FLT1: variants seen among roughly 807,000 people sequenced by gnomAD.
The protein encoded by FLT1 is fms related receptor tyrosine kinase 1, also known as vascular endothelial growth factor receptor 1.
Under a neutral mutation model 156.3 loss-of-function variants are expected in FLT1, and 49 were observed. The observed-to-expected ratio is 0.31, with a 90% confidence interval of 0.25 to 0.40. The LOEUF is 0.40. Among genes scored for constraint, FLT1 ranks in the 10% least tolerant of loss-of-function variants. FLT1 has a pLI of 1.00. For synonymous variants in FLT1, 594 were observed against 583.8 expected (o/e 1.02, Z -0.25); for missense variants, 1,322 against 1,637.2 (o/e 0.81, Z 3.32).
At chr13:28,317,350 T>G in intron 25 of FLT1, 148 bp downstream of exon 25, 2 of 699,174 alleles carry the variant, frequency 2.9e-6, no homozygotes, top group South Asian at 1.5e-5. Flanking sequence ...CTGGGCCTGA[T>G]GGGCTGAGGG....
intron 11 of FLT1, among the ~76,000 whole-genome samples, chr13:28,402,914 C>T (rs1875543277): frequency 2.0e-5 from 3 of 152,048 alleles, no homozygotes; most frequent in Admixed American, 1.3e-4. Context: ...CTCAGCCTTC[C>T]GAGTAGCTGG....
In FLT1 at chr13:28,357,546, C is replaced by T. The variant is rs2137411232; in HGVS notation, c.2248+8G>A. ...AATTTCTTGTTGCTTTCTTAAGCAGCTGTTTACCTTGAACAGTGAGGTATG... is the reference window on the plus strand; with the variant it reads ...AATTTCTTGTTGCTTTCTTAAGCAGTTGTTTACCTTGAACAGTGAGGTATG... On this transcript the variant is annotated splice_region_variant and intron_variant, in intron 15 of 29. Coordinates refer to ENST00000282397, the MANE Select transcript of FLT1 (RefSeq NM_002019.4). The T allele has an allele frequency of 6.2e-7, 1 of 1,614,026 alleles. No individual in the cohort carries two copies. The highest frequency in any genetic ancestry group is 8.5e-7 in the Non-Finnish European group (1 of 1,179,896).
chr13:28,321,689 G>A (rs1322640862), intron 22 of FLT1, 104 bp from the exon 23 acceptor site: 3 of 1,159,104 alleles, frequency 2.6e-6, no homozygotes, highest in Non-Finnish European at 2.6e-6. Context: ...CATTTCACAT[G>A]CTGTGAAGGG....
intron 13 of FLT1, chr13:28,388,440 T>A (rs1874502109): frequency 9.6e-7 from 1 of 1,044,716 alleles, no homozygotes; most frequent in East Asian, 5.5e-5. Flanking sequence ...GCCATGGCTA[T>A]TTTGGTCATT....
intron 14 of FLT1, among the ~76,000 whole-genome samples, chr13:28,377,261 C>G (rs147907204): frequency 1.3e-5 from 2 of 152,164 alleles, no homozygotes; most frequent in African/African-American, 4.8e-5. Flanking sequence ...TAATTTGGAG[C>G]CCCTACTAAT....
intron 15 of FLT1, among the ~76,000 whole-genome samples, 163 bp downstream of exon 15, chr13:28,357,391 G>C (rs1398434814): frequency 3.3e-5 from 5 of 152,186 alleles, no homozygotes; most frequent in African/African-American, 4.8e-5. Context: ...TTGCCAGACA[G>C]AACCAGACAG....
Position 28,303,149 on chromosome 13 carries a change from A to T in FLT1, c.*18T>A. ...TAAATACACATGTGCTTCTAGAAAT[A>T]AGGCTTCGTGTCAAACTCTAGATGG... On this transcript the variant is annotated 3_prime_UTR_variant, in exon 30 of 30. Coordinates refer to ENST00000282397, the MANE Select transcript of FLT1 (RefSeq NM_002019.4). The T allele has an allele frequency of 6.2e-7, 1 of 1,603,920 alleles. No individual in the cohort carries two copies. Among genetic ancestry groups the T allele is most frequent in the Non-Finnish European group, 8.5e-7 (1 of 1,178,028 alleles).
intron 26 of FLT1, 89 bp downstream of exon 26, chr13:28,311,904 T>TAATATAATA: frequency 9.2e-7 from 1 of 1,085,196 alleles, no homozygotes; most frequent in Non-Finnish European, 1.4e-6. Context: ...TCTCAGCTAT[T>TAATATAATA]ATATTAATAG....
At chr13:28,325,777 T>A (rs1292060075) in intron 20 of FLT1, among the ~76,000 whole-genome samples, 2 of 121,334 alleles carry the variant, frequency 1.6e-5, no homozygotes, top group East Asian at 5.6e-4. Context: ...ATCACACCAC[T>A]GCACTCCAGC....
At chr13:28,384,307 C>T (rs1400583714) in intron 14 of FLT1, among the ~76,000 whole-genome samples, 3 of 151,892 alleles carry the variant, frequency 2.0e-5, no homozygotes, top group Non-Finnish European at 4.4e-5. Flanking sequence ...GGTGACAGCA[C>T]ATGCCTGTAG....
chr13:28,385,071 T>C, intron 13 of FLT1, 40 bp from the exon 14 acceptor site: 1 of 1,607,042 alleles, frequency 6.2e-7, no homozygotes, highest in Non-Finnish European at 8.5e-7. Flanking sequence ...ACTCGTCAAC[T>C]TTATTCTTGT....
At chr13:28,421,990 T>C (rs73453277) in intron 10 of FLT1, among the ~76,000 whole-genome samples, 75 of 152,358 alleles carry the variant, frequency 4.9e-4, no homozygotes, top group African/African-American at 1.7e-3. Flanking sequence ...ATGTAGTAGA[T>C]ATTTTACAGA....
At chr13:28,487,541 T>C (rs1197308935) in intron 1 of FLT1, among the ~76,000 whole-genome samples, 1 of 152,246 alleles carries the variant, frequency 6.6e-6, no homozygotes, top group African/African-American at 2.4e-5. Flanking sequence ...AAAAAGTGCC[T>C]GTGAGCACCG....
chr13:28,373,860 C>G (rs1458658754), intron 14 of FLT1, among the ~76,000 whole-genome samples: 2 of 152,090 alleles, frequency 1.3e-5, no homozygotes, highest in Non-Finnish European at 2.9e-5. Context: ...TCGATGTCCC[C>G]AAATCTCTTT....
In FLT1 at chr13:28,467,537, G is replaced by C; in HGVS notation, c.145C>G (p.Leu49Val). 3 of 1,607,874 alleles carry C rather than the reference G, an allele frequency of 1.9e-6. No homozygotes were observed. Among genetic ancestry groups the C allele is most frequent in the Non-Finnish European group, 2.6e-6 (3 of 1,175,736 alleles). Reference sequence around the variant, plus strand: ...GCCACTTACCTGCATTGGAGATGCAGTGTCTGGCCTGCTTGCATGATGTGC... The same window carrying C: ...GCCACTTACCTGCATTGGAGATGCACTGTCTGGCCTGCTTGCATGATGTGC... ...TQHIMQAGQT[L>V]HLQCRGEAAH... The change falls in exon 2 of 30, where the codon CTG becomes GTG. Residue 49 changes from leucine (L) to valine (V), a missense_variant. By Grantham distance (32) the Leu-to-Val change is conservative. Coordinates refer to ENST00000282397, the MANE Select transcript of FLT1 (RefSeq NM_002019.4).
At chr13:28,462,811 C>T (rs663137) in intron 3 of FLT1, among the ~76,000 whole-genome samples, 21,352 of 152,126 alleles carry the variant, frequency 0.14, 2,635 homozygotes, top group African/African-American at 0.33. Context: ...TTCCCCACCA[C>T]GACCAAAGTG....
At chr13:28,340,230 A>T (rs559182255) in intron 16 of FLT1, among the ~76,000 whole-genome samples, 50 of 151,240 alleles carry the variant, frequency 3.3e-4, no homozygotes, top group African/African-American at 1.1e-3. Context: ...AAAAAAAAAA[A>T]GATTATTTCA....
chr13:28,405,205 A>G (rs1821092608), intron 11 of FLT1, among the ~76,000 whole-genome samples: 1 of 152,140 alleles, frequency 6.6e-6, no homozygotes, highest in Admixed American at 6.5e-5. Flanking sequence ...GGAGTATAAA[A>G]TGAATAGTGC....
chr13:28,313,507 A>C (rs1593671013), intron 25 of FLT1, among the ~76,000 whole-genome samples: 1 of 152,198 alleles, frequency 6.6e-6, no homozygotes, highest in Non-Finnish European at 1.5e-5. Flanking sequence ...TCTGACTTAC[A>C]CTCAAACCTG....
Sources: gnomAD v4.1 joint callset for allele counts (sites outside exome capture counted in the v4.1 genomes callset) on GRCh38, gnomAD v4.1.1 for gene constraint, MANE v1.5 for transcripts, NCBI Gene and HGNC (gene_info 2026-07-23, HGNC 2026-07-21) for gene names.